Variants in GNG2 observed in about 807,000 individuals in gnomAD.
The protein encoded by GNG2 is guanine nucleotide-binding protein G(I)/G(S)/G(O) subunit gamma-2.
In GNG2, 5 loss-of-function variants were observed where a neutral mutation model predicts 5.5. That is an observed-to-expected ratio of 0.91 (90% confidence interval 0.48 to 1.92). GNG2 has a LOEUF of 1.92. GNG2 is among the 30% of genes most tolerant of loss of function. GNG2 has a pLI of 0.01. For missense variants in GNG2, 55 were observed against 88.4 expected (o/e 0.62, Z 1.52); for synonymous variants, 28 against 32.0 (o/e 0.88, Z 0.42).
At chr14:51,961,379 C>G (rs1594965624) in intron 3 of GNG2, among the ~76,000 whole-genome samples, 1 of 152,262 alleles carries the variant, frequency 6.6e-6, no homozygotes, top group East Asian at 1.9e-4. Flanking sequence ...CATGAAATAT[C>G]TGTCGAAGAA....
At chr14:51,836,397 T>C (rs1333128183) in intron 2 of GNG2, among the ~76,000 whole-genome samples, 1 of 152,170 alleles carries the variant, frequency 6.6e-6, no homozygotes, top group East Asian at 1.9e-4. Context: ...CACTAATTCA[T>C]TGAGTCACCT....
At chr14:51,959,505 T>G (rs941929254) in intron 3 of GNG2, among the ~76,000 whole-genome samples, 1 of 152,144 alleles carries the variant, frequency 6.6e-6, no homozygotes, top group African/African-American at 2.4e-5. Flanking sequence ...ATGCTATTTA[T>G]CCAGAATTAG....
intron 2 of GNG2, 118 bp from the exon 3 acceptor site, chr14:51,950,532 C>A: frequency 1.6e-6 from 1 of 626,414 alleles, no homozygotes; most frequent in South Asian, 2.1e-5. Context: ...ATGGAGAGGG[C>A]TGGAGAAGCC....
intron 3 of GNG2, among the ~76,000 whole-genome samples, chr14:51,958,456 A>G (rs920035280): frequency 1.1e-4 from 13 of 121,006 alleles, no homozygotes; most frequent in Non-Finnish European, 2.0e-4. Flanking sequence ...CCCCATTTAT[A>G]TTTCTTTCTA....
At chr14:51,827,555 A>T in intron 1 of GNG2, 3 of 591,614 alleles carry the variant, frequency 5.1e-6, no homozygotes, top group Non-Finnish European at 9.0e-6. Context: ...GTATTTTTTG[A>T]TGTCATACAG....
chr14:51,967,402 T>C lies in GNG2; in HGVS notation c.*715T>C, dbSNP rs1184002462. 1 of 152,152 alleles carries C rather than the reference T, an allele frequency of 6.6e-6. No individual in the cohort carries two copies. The highest frequency in any genetic ancestry group is 1.5e-5 in the Non-Finnish European group (1 of 68,028). The allele number at this position is 152,152 out of a possible 1,614,324, so 9.4% of individuals were successfully genotyped here. The stretch of plus-strand genomic sequence containing the variant: ...CTTTGATTCTGCAAGTAAAAGTAAA[T>C]CCTGTGTTGTGACTGGTGCTTTCAT... On this transcript the variant is annotated 3_prime_UTR_variant, in exon 4 of 4. Coordinates refer to ENST00000556766, the MANE Select transcript of GNG2 (RefSeq NM_053064.5).
At chr14:51,859,682 G>A (rs1337369409), upstream of GNG2, among the ~76,000 whole-genome samples, 1 of 152,154 alleles carries the variant, frequency 6.6e-6, no homozygotes, top group East Asian at 1.9e-4. Flanking sequence ...GTCATTAATG[G>A]CAATTTGGAT....
At chr14:51,902,791 G>A (rs1043542645) in intron 2 of GNG2, among the ~76,000 whole-genome samples, 1 of 152,128 alleles carries the variant, frequency 6.6e-6, no homozygotes, top group African/African-American at 2.4e-5. Flanking sequence ...TGGAGGCTGA[G>A]GTCAGAGGAT....
At chr14:51,959,613 A>G (rs999917772) in intron 3 of GNG2, among the ~76,000 whole-genome samples, 1 of 151,988 alleles carries the variant, frequency 6.6e-6, no homozygotes, top group African/African-American at 2.4e-5. Flanking sequence ...CTCTGCTTCT[A>G]CCCTTGACTC....
At chr14:51,836,382 A>G (rs993788761) in intron 2 of GNG2, among the ~76,000 whole-genome samples, 3 of 152,134 alleles carry the variant, frequency 2.0e-5, no homozygotes, top group African/African-American at 7.2e-5. Flanking sequence ...CTGTTCTATA[A>G]AAGTCACTAA....
chr14:51,943,977 A>G (rs1200108644), intron 2 of GNG2, among the ~76,000 whole-genome samples: 1 of 152,224 alleles, frequency 6.6e-6, no homozygotes, highest in Non-Finnish European at 1.5e-5. Flanking sequence ...AACCCCAAAT[A>G]GCCAAAGCAT....
chr14:51,922,624 C>T (rs534037317), intron 2 of GNG2, among the ~76,000 whole-genome samples: 1 of 152,308 alleles, frequency 6.6e-6, no homozygotes, highest in East Asian at 1.9e-4. Context: ...TTGTCCCTAG[C>T]CTATCTTCCT....
chr14:51,840,841 A>C (rs1360804139), intron 2 of GNG2, among the ~76,000 whole-genome samples: 1 of 152,186 alleles, frequency 6.6e-6, no homozygotes, highest in Non-Finnish European at 1.5e-5. Flanking sequence ...GTTATGTTAG[A>C]TAAGCAAATC....
At chr14:51,924,200 T>A (rs1486836835) in intron 2 of GNG2, among the ~76,000 whole-genome samples, 1 of 152,218 alleles carries the variant, frequency 6.6e-6, no homozygotes, top group Non-Finnish European at 1.5e-5. Flanking sequence ...CTAATTCACT[T>A]GAGCCCGGTT....
chr14:51,872,245 A>G (rs1046585662), intron 1 of GNG2, among the ~76,000 whole-genome samples: 1 of 152,178 alleles, frequency 6.6e-6, no homozygotes. Flanking sequence ...CAAACTCTAG[A>G]GAAAAAATAT....
chr14:51,916,036 CCTT>C (rs1350465800), intron 2 of GNG2: 2 of 152,584 alleles, frequency 1.3e-5, no homozygotes, highest in African/African-American at 4.8e-5. Flanking sequence ...AAGATAAACT[CCTT>C]GAGAACAGGA....
chr14:51,913,610 C>A lies in GNG2; in HGVS notation c.-30+35953C>A, dbSNP rs1052481885. Among the ~76,000 whole-genome samples, 3 of 152,080 alleles carry A rather than the reference C, an allele frequency of 2.0e-5. No individual in the cohort carries two copies. In the South Asian group the frequency reaches 6.2e-4, roughly 32 times the overall value. On this transcript the variant is annotated intron_variant, in intron 2 of 3. Coordinates refer to ENST00000556766, the MANE Select transcript of GNG2 (RefSeq NM_053064.5). Reference sequence around the variant, plus strand: ...CAGTACAGGATGAATGGTCCTTTCCCCCATTGTCATCACCTTTGAGATCAG... The same window carrying A: ...CAGTACAGGATGAATGGTCCTTTCCACCATTGTCATCACCTTTGAGATCAG...
chr14:51,937,666 T>C (rs1888093111), intron 2 of GNG2, among the ~76,000 whole-genome samples: 1 of 148,374 alleles, frequency 6.7e-6, no homozygotes, highest in Non-Finnish European at 1.5e-5. Context: ...AGGGTACATG[T>C]GCACATTGTG....
chr14:51,940,926 T>C (rs1443428116), intron 2 of GNG2, among the ~76,000 whole-genome samples: 1 of 152,170 alleles, frequency 6.6e-6, no homozygotes, highest in Non-Finnish European at 1.5e-5. Flanking sequence ...TATTGATAAG[T>C]TCACTAGAGT....
Sources: allele counts gnomAD v4.1 joint callset (sites outside exome capture counted in the v4.1 genomes callset), GRCh38; gene constraint gnomAD v4.1.1; transcripts MANE v1.5; gene names NCBI Gene and HGNC (gene_info 2026-07-23, HGNC 2026-07-21).